The following FNDC3B variants were observed in gnomAD, a reference collection of about 807,000 sequenced individuals.
FNDC3B encodes the protein fibronectin type III domain containing 3B.
A neutral mutation model predicts 151.5 loss-of-function variants in FNDC3B; 12 were observed. The observed-to-expected ratio is 0.08, with a 90% CI of 0.05 to 0.13. The LOEUF (loss-of-function observed/expected upper bound fraction) is 0.13, where lower values mean the gene tolerates loss of function less well. Among genes scored for constraint, FNDC3B ranks in the 10% least tolerant of loss-of-function variants. The pLI, the probability that FNDC3B is intolerant of heterozygous loss-of-function variation, is 1.00. For synonymous variants in FNDC3B, 528 were observed against 549.0 expected (o/e 0.96, Z 0.54); for missense variants, 1,214 against 1,505.3 (o/e 0.81, Z 3.20).
In FNDC3B at chr3:172,261,980, G is replaced by A. The variant is rs1728668637; in HGVS notation, c.790+10439G>A. ...TCATGGTGGGGATGATTTGCTCCAA[G>A]CATAAAAGAGAATTGTGATGGTTCA... On this transcript the variant is annotated intron_variant, in intron 6 of 25. Coordinates refer to ENST00000415807, the MANE Select transcript of FNDC3B (RefSeq NM_022763.4). 3.3e-5 allele frequency among the ~76,000 whole-genome samples: 5 copies of A among 152,204 alleles called. No homozygotes were observed. The South Asian group carries it at 1.0e-3, about 32-fold the overall frequency.
chr3:172,378,237 C>A (rs754625276), intron 23 of FNDC3B, 33 bp from the exon 24 acceptor site: 1 of 1,540,936 alleles, frequency 6.5e-7, no homozygotes, highest in Non-Finnish European at 8.7e-7. Context: ...AGTAGACGTT[C>A]AGATGGCTAA....
intron 3 of FNDC3B, among the ~76,000 whole-genome samples, chr3:172,138,141 T>A (rs1176165258): frequency 6.6e-6 from 1 of 152,246 alleles, no homozygotes; most frequent in Non-Finnish European, 1.5e-5. Flanking sequence ...GGCCTCTTTC[T>A]TCCAAGAGCT....
chr3:172,331,845 C>G (rs1219612409), intron 13 of FNDC3B, among the ~76,000 whole-genome samples: 1 of 152,162 alleles, frequency 6.6e-6, no homozygotes, highest in African/African-American at 2.4e-5. Flanking sequence ...ACAGCACCAC[C>G]CAATAGAACT....
chr3:172,334,771 A>G (rs1732865102), intron 14 of FNDC3B, among the ~76,000 whole-genome samples, 173 bp from the exon 15 acceptor site: 1 of 152,226 alleles, frequency 6.6e-6, no homozygotes, highest in Non-Finnish European at 1.5e-5. Context: ...ATAACCAACT[A>G]TACAGTAAAT....
intron 6 of FNDC3B, among the ~76,000 whole-genome samples, chr3:172,267,160 T>G (rs758476972): frequency 1.6e-4 from 22 of 134,818 alleles, no homozygotes; most frequent in Admixed American, 3.6e-4. Flanking sequence ...ACACACACAC[T>G]TTTTTTTTTT....
At chr3:172,178,724 G>T (rs1475992063) in intron 3 of FNDC3B, among the ~76,000 whole-genome samples, 1 of 152,158 alleles carries the variant, frequency 6.6e-6, no homozygotes, top group Non-Finnish European at 1.5e-5. Context: ...TGGAGGGAGT[G>T]ATGGTAAAGG....
At position 172,384,567 on chromosome 3, in the gene FNDC3B, A is replaced by T. The variant is rs569326727; in HGVS notation, c.3303+3474A>T. Among the ~76,000 whole-genome samples, 89 of 152,288 alleles carry T rather than the reference A, an allele frequency of 5.8e-4. 1 individual carries two copies. The highest frequency in any genetic ancestry group is 1.9e-3 in the African/African-American group (81 of 41,552). ...TTTCCCAGCAGTACATTGATCACAC[A>T]TTTGTTATTGTATTGTAAAAATCTT... On this transcript the variant is annotated intron_variant, in intron 25 of 25. Transcript: ENST00000415807.
intron 3 of FNDC3B, among the ~76,000 whole-genome samples, chr3:172,180,015 A>ACC: frequency 6.6e-6 from 1 of 152,180 alleles, no homozygotes; most frequent in African/African-American, 2.4e-5. Context: ...TGTGACCCTG[A>ACC]CCAAGCCTCA....
At chr3:172,318,304 C>G (rs1390191165) in intron 11 of FNDC3B, among the ~76,000 whole-genome samples, 1 of 152,260 alleles carries the variant, frequency 6.6e-6, no homozygotes, top group Non-Finnish European at 1.5e-5. Flanking sequence ...GCAGGCCCAG[C>G]AGTCCTGTCA....
chr3:172,241,085 C>A (rs1727466849), intron 4 of FNDC3B, among the ~76,000 whole-genome samples: 1 of 152,088 alleles, frequency 6.6e-6, no homozygotes, highest in Admixed American at 6.6e-5. Flanking sequence ...TCTTCATTAG[C>A]CTGAGCAAGA....
At chr3:172,190,523 TAAATATTAA>T (rs1724449975) in intron 3 of FNDC3B, among the ~76,000 whole-genome samples, 1 of 152,222 alleles carries the variant, frequency 6.6e-6, no homozygotes, top group African/African-American at 2.4e-5. Flanking sequence ...TTTGCCCTTG[TAAATATTAA>T]AAGGCTCAAG....
chr3:172,280,331 T>G (rs1729643962), intron 6 of FNDC3B, among the ~76,000 whole-genome samples: 1 of 152,242 alleles, frequency 6.6e-6, no homozygotes, highest in African/African-American at 2.4e-5. Flanking sequence ...ATTTTTCGTT[T>G]TCACCTAAAA....
rs373720093 is a variant in FNDC3B, at chr3:172,330,754, C to G, written c.1554+39C>G. 88 of 1,524,160 alleles carry G rather than the reference C, an allele frequency of 5.8e-5. 1 individual carries two copies. The East Asian group carries it at 1.5e-3, about 26-fold the overall frequency. The allele number at this position is 1,524,160 out of a possible 1,614,324, so 94.4% of individuals were successfully genotyped here. ...ATTTTATACTTCTCTGTGTTTTGTA[C>G]GAGTCAGTATTATTATAGCTACAGG... On this transcript the variant is annotated intron_variant, in intron 13 of 25. Coordinates refer to ENST00000415807, the MANE Select transcript of FNDC3B (RefSeq NM_022763.4).
chr3:172,043,528 T>G (rs1332940854), intron 1 of FNDC3B, among the ~76,000 whole-genome samples: 1 of 152,146 alleles, frequency 6.6e-6, no homozygotes, highest in Non-Finnish European at 1.5e-5. Context: ...ATTATTATTA[T>G]TGTTTTTTTG....
intron 1 of FNDC3B, among the ~76,000 whole-genome samples, chr3:172,074,706 A>G (rs184256294): frequency 2.0e-5 from 3 of 152,344 alleles, no homozygotes; most frequent in African/African-American, 7.2e-5. Context: ...CACGGAAAGG[A>G]AGCTATTTCA....
chr3:172,076,425 T>C (rs1000276536), intron 1 of FNDC3B, among the ~76,000 whole-genome samples: 1 of 152,198 alleles, frequency 6.6e-6, no homozygotes, highest in African/African-American at 2.4e-5. Flanking sequence ...CGCTCAGTCA[T>C]AGATATTCCT....
intron 1 of FNDC3B, among the ~76,000 whole-genome samples, chr3:172,079,083 A>G (rs1053841300): frequency 6.6e-6 from 1 of 152,206 alleles, no homozygotes; most frequent in African/African-American, 2.4e-5. Flanking sequence ...CATTTATATA[A>G]GGTCAGTGTT....
intron 3 of FNDC3B, among the ~76,000 whole-genome samples, chr3:172,176,149 T>C (rs75992815): frequency 0.033 from 5,032 of 152,268 alleles, 279 homozygotes; most frequent in African/African-American, 0.11. Context: ...AACTCTGAAG[T>C]ACGCATGCAT....
intron 11 of FNDC3B, among the ~76,000 whole-genome samples, chr3:172,323,206 T>C (rs1732178145): frequency 6.6e-6 from 1 of 152,146 alleles, no homozygotes; most frequent in African/African-American, 2.4e-5. Flanking sequence ...TATTTATAAT[T>C]TATCTCCAAA....
Sources: allele counts gnomAD v4.1 joint callset (sites outside exome capture counted in the v4.1 genomes callset), GRCh38; gene constraint gnomAD v4.1.1; transcripts MANE v1.5; gene names NCBI Gene and HGNC (gene_info 2026-07-23, HGNC 2026-07-21).